The following OLFM2 variants were observed in gnomAD, a reference collection of about 807,000 sequenced individuals.
OLFM2 encodes olfactomedin 2, also known as noelin-2.
In OLFM2, 20 loss-of-function variants were observed where a neutral mutation model predicts 43.9. That is an observed-to-expected ratio of 0.46 (90% CI 0.32 to 0.66). The LOEUF is 0.66. Ranked by LOEUF, OLFM2 falls within the 30% of genes least tolerant of loss-of-function variation. The pLI, the probability that OLFM2 is intolerant of heterozygous loss-of-function variation, is 0.04. For missense variants in OLFM2, 416 were observed against 643.6 expected (o/e 0.65, Z 3.83); for synonymous variants, 268 against 278.6 (o/e 0.96, Z 0.38).
chr19:9,929,315 G>A (rs968947593), intron 1 of OLFM2, among the ~76,000 whole-genome samples: 1 of 152,046 alleles, frequency 6.6e-6, no homozygotes, highest in African/African-American at 2.4e-5. Context: ...TACATGGGCC[G>A]GGCGCGGTGG....
Position 9,862,536 on chromosome 19 carries a change from C to G in OLFM2, c.64-1742G>C, listed in dbSNP as rs369903167. 9.2e-5 allele frequency among the ~76,000 whole-genome samples: 14 copies of G among 151,852 alleles called. No individual in the cohort carries two copies. In the East Asian group the frequency reaches 1.5e-3, roughly 17 times the overall value. On this transcript the variant is annotated intron_variant, in intron 1 of 5. Coordinates refer to ENST00000264833, the MANE Select transcript of OLFM2 (RefSeq NM_058164.4). ...AAAATTAAAAAAAAAAAAAAATTAG[C>G]TGGATGTAGTGGCATGCACCTGTGG...
intron 1 of OLFM2, among the ~76,000 whole-genome samples, chr19:9,862,361 A>G (rs887737462): frequency 6.6e-6 from 1 of 152,050 alleles, no homozygotes; most frequent in African/African-American, 2.4e-5. Context: ...CATTTCTATC[A>G]TTACAAATCC....
rs1027481432 is a variant in OLFM2 at position 9,936,083 on chromosome 19, C to T, written c.63+221G>A. Among the ~76,000 whole-genome samples, 3 of 151,824 alleles carry T rather than the reference C, an allele frequency of 2.0e-5. No individual in the cohort carries two copies. The South Asian group carries it at 6.2e-4, about 32-fold the overall frequency. ...TTGAGAACCCCAAAGACGCCACCCC[C>T]CAAACCAGCCCAGCTTGAGGCTGGA... On this transcript the variant is annotated intron_variant, in intron 1 of 5. Transcript: ENST00000264833.
chr19:9,925,625 C>T (rs2086447866), intron 1 of OLFM2, among the ~76,000 whole-genome samples: 1 of 151,104 alleles, frequency 6.6e-6, no homozygotes, highest in African/African-American at 2.4e-5. Context: ...TGTAGAGACA[C>T]GGTTTCACCA....
intron 1 of OLFM2, among the ~76,000 whole-genome samples, chr19:9,909,727 G>A (rs1014592169): frequency 2.6e-5 from 4 of 152,064 alleles, no homozygotes; most frequent in South Asian, 2.1e-4. Context: ...CCTCCTAACC[G>A]AACACCTACT....
In OLFM2 at chr19:9,854,910, C is replaced by G; in HGVS notation, c.688-47G>C. 1 of 1,428,398 alleles carries G rather than the reference C, an allele frequency of 7.0e-7. No homozygotes were observed. The highest frequency in any genetic ancestry group is 1.4e-5 in the South Asian group (1 of 72,992). The allele number at this position is 1,428,398 out of a possible 1,614,324, so 88.5% of individuals were successfully genotyped here. On this transcript the variant is annotated intron_variant, in intron 5 of 5. Coordinates refer to ENST00000264833, the MANE Select transcript of OLFM2 (RefSeq NM_058164.4). This position sits in a 1 kb window ranked among gnomAD's most constrained non-coding sequence, Gnocchi z 9.5. ...ACTGGGGGGAACCACCACCAACGAC[C>G]CAAGGGTCCCAGCACCAGCTACAGC...
At chr19:9,912,493 C>G (rs1390794273) in intron 1 of OLFM2, among the ~76,000 whole-genome samples, 1 of 152,018 alleles carries the variant, frequency 6.6e-6, no homozygotes, top group Admixed American at 6.6e-5. Context: ...GGGAGGAGCC[C>G]CCCAAACAGA....
At chr19:9,885,079 G>A (rs752731425) in intron 1 of OLFM2, among the ~76,000 whole-genome samples, 1 of 152,158 alleles carries the variant, frequency 6.6e-6, no homozygotes, top group Admixed American at 6.6e-5. Flanking sequence ...GGACCCTGGA[G>A]GCCGACAACT....
intron 1 of OLFM2, among the ~76,000 whole-genome samples, chr19:9,902,820 T>C (rs2046752450): frequency 6.6e-6 from 1 of 151,948 alleles, no homozygotes; most frequent in African/African-American, 2.4e-5. Context: ...ATTAAAGGCA[T>C]GCACCACCAT....
chr19:9,855,982 G>C (rs1013500565), intron 5 of OLFM2, among the ~76,000 whole-genome samples: 11 of 152,218 alleles, frequency 7.2e-5, no homozygotes, highest in Admixed American at 2.0e-4. Flanking sequence ...GCCATTGAAT[G>C]ATAAGACATC....
chr19:9,876,040 C>T (rs1403760779), intron 1 of OLFM2, among the ~76,000 whole-genome samples: 1 of 151,986 alleles, frequency 6.6e-6, no homozygotes, highest in Non-Finnish European at 1.5e-5. Flanking sequence ...AGGTCATCTC[C>T]CCGCCACCGA....
intron 1 of OLFM2, among the ~76,000 whole-genome samples, chr19:9,862,109 A>G (rs1168037666): frequency 2.0e-5 from 3 of 152,020 alleles, no homozygotes; most frequent in Non-Finnish European, 4.4e-5. Context: ...AAGGAAGAGA[A>G]GGAATGAAGA....
chr19:9,935,879 C>T (rs1308254025), intron 1 of OLFM2, among the ~76,000 whole-genome samples: 1 of 152,174 alleles, frequency 6.6e-6, no homozygotes, highest in Non-Finnish European at 1.5e-5. Context: ...GTCCCGTCCC[C>T]TGCCCCACAC....
At chr19:9,885,587 C>T (rs902448616) in intron 1 of OLFM2, among the ~76,000 whole-genome samples, 3 of 152,152 alleles carry the variant, frequency 2.0e-5, no homozygotes, top group Non-Finnish European at 4.4e-5. Flanking sequence ...AGCCACCACA[C>T]CTTGGAGATG....
Position 9,932,869 on chromosome 19 carries a change from A to G in OLFM2, c.63+3435T>C, listed in dbSNP as rs189918681. Among the ~76,000 whole-genome samples the G allele has an allele frequency of 4.6e-5, 7 of 152,238 alleles. No individual in the cohort carries two copies. The East Asian group carries it at 1.4e-3, about 29-fold the overall frequency. On this transcript the variant is annotated intron_variant, in intron 1 of 5. Coordinates refer to ENST00000264833, the MANE Select transcript of OLFM2 (RefSeq NM_058164.4). ...AGTCACTCCCAGGCCAGAACCCAGAACATCTTGGATAGATCCTGGATGAAT... is the reference window on the plus strand; with the variant it reads ...AGTCACTCCCAGGCCAGAACCCAGAGCATCTTGGATAGATCCTGGATGAAT...
Position 9,854,667 on chromosome 19 carries a change from G to A in OLFM2, c.884C>T (p.Ser295Leu), listed in dbSNP as rs925669211. 21 of 1,614,104 alleles carry A rather than the reference G, an allele frequency of 1.3e-5. No individual in the cohort carries two copies. Among genetic ancestry groups the A allele is most frequent in the East Asian group, 2.2e-5 (1 of 44,890 alleles). Residue 295 changes from serine to leucine, a missense_variant, in exon 6 of 6, where the codon TCG becomes TTG. Transcript: ENST00000264833. This position sits in a 1 kb window ranked among gnomAD's most constrained non-coding sequence, Gnocchi z 9.5. Reference protein sequence around the residue: ...SNVVVKYHFRSRSVLVQRSLP... With the variant: ...SNVVVKYHFRLRSVLVQRSLP... ...GCTCCTCTGCACCAGCACAGAGCGC[G>A]AGCGGAAGTGGTATTTGACCACCAC...
chr19:9,909,741 T>G (rs1449516506), intron 1 of OLFM2, among the ~76,000 whole-genome samples: 1 of 152,182 alleles, frequency 6.6e-6, no homozygotes, highest in African/African-American at 2.4e-5. Flanking sequence ...ACCTACTGTG[T>G]GCCTGGTCAC....
intron 1 of OLFM2, among the ~76,000 whole-genome samples, chr19:9,890,233 G>A (rs1201369549): frequency 6.6e-6 from 1 of 152,096 alleles, no homozygotes; most frequent in Non-Finnish European, 1.5e-5. Context: ...CCCACTCCGG[G>A]GGCAGAGAAG....
At chr19:9,919,220 G>A (rs2086404527) in intron 1 of OLFM2, among the ~76,000 whole-genome samples, 1 of 150,738 alleles carries the variant, frequency 6.6e-6, no homozygotes, top group South Asian at 2.1e-4. Flanking sequence ...AGGCTGGAGT[G>A]CAATGGGATG....
Sources: allele counts gnomAD v4.1 joint callset (sites outside exome capture counted in the v4.1 genomes callset), GRCh38; gene constraint gnomAD v4.1.1; non-coding constraint Gnocchi (gnomAD v3.1); transcripts MANE v1.5; gene names NCBI Gene and HGNC (gene_info 2026-07-23, HGNC 2026-07-21).